Variants in PTPRH observed in about 807,000 individuals in gnomAD.
PTPRH encodes the protein protein tyrosine phosphatase receptor type H.
In PTPRH, 113 loss-of-function variants were observed where a neutral mutation model predicts 130.2. That is an observed-to-expected ratio of 0.87 (90% CI 0.75 to 1.01). The LOEUF (loss-of-function observed/expected upper bound fraction) is 1.01. Ranked by LOEUF, PTPRH falls within the 50% of genes least tolerant of loss-of-function variation. The pLI, the probability that PTPRH is intolerant of heterozygous loss-of-function variation, is 0.00. For synonymous variants in PTPRH, 556 were observed against 577.9 expected (o/e 0.96, Z 0.54); for missense variants, 1,430 against 1,425.0 (o/e 1.00, Z -0.06).
chr19:55,181,524 C>T lies in PTPRH; in HGVS notation c.*230G>A. ...ACCTAGGGAATCCAAGCTATCATCC[C>T]TCTCCTCCTTCAGGGAACCAGGAAT... On this transcript the variant is annotated 3_prime_UTR_variant, in exon 20 of 20. Coordinates refer to ENST00000376350, the MANE Select transcript of PTPRH (RefSeq NM_002842.5). The T allele has an allele frequency of 1.8e-6, 1 of 568,072 alleles. No homozygotes were observed. Among genetic ancestry groups the T allele is most frequent in the Non-Finnish European group, 3.1e-6 (1 of 321,672 alleles). 35.2% of individuals were successfully genotyped at this position (568,072 alleles called of 1,614,324 possible). A position where few individuals can be genotyped will look rare whatever the true frequency, so the allele number is the denominator to read the frequency against.
intron 4 of PTPRH, 61 bp downstream of exon 4, chr19:55,205,265 G>T: frequency 6.2e-7 from 1 of 1,600,254 alleles, no homozygotes; most frequent in South Asian, 1.1e-5. Flanking sequence ...AATCCGCTAC[G>T]TTCTCCTGCC....
chr19:55,201,378 A>C (rs2086858985), intron 6 of PTPRH, among the ~76,000 whole-genome samples: 1 of 152,016 alleles, frequency 6.6e-6, no homozygotes, highest in Non-Finnish European at 1.5e-5. Flanking sequence ...CTCCAGCTCT[A>C]AAAAAAAGAA....
Position 55,203,836 on chromosome 19 carries a change from A to C in PTPRH, c.832T>G (p.Trp278Gly), listed in dbSNP as rs1438444246. 3.1e-6 allele frequency: 5 copies of C among 1,614,008 alleles called. No homozygotes were observed. The South Asian group carries it at 5.5e-5, about 18-fold the overall frequency. ...GPGSLYTCSVWVEKDGVNSSV... is the reference protein window; with the variant it reads ...GPGSLYTCSVGVEKDGVNSSV... ...CTATTTACTCCGTCTTTCTCCACCC[A>C]CACAGAACACGTATACAATGACCCG... is the stretch of plus-strand genomic sequence containing the variant. Residue 278 changes from tryptophan (W) to glycine (G), a missense_variant, in exon 5 of 20, where the codon TGG (tryptophan) becomes GGG (glycine). Trp to Gly is a radical substitution (Grantham distance 184). Transcript: ENST00000376350.
In PTPRH at chr19:55,191,820, C is replaced by T. The variant is rs777440286; in HGVS notation, c.2258-79G>A. The stretch of plus-strand genomic sequence containing the variant: ...TGTCTCCAACCCTGCCCAGCCTTTC[C>T]TCTTCCCCAGGAGCCTGGTCCAAAG... On this transcript the variant is annotated intron_variant, in intron 10 of 19. Coordinates refer to ENST00000376350, the MANE Select transcript of PTPRH (RefSeq NM_002842.5). The T allele has an allele frequency of 3.9e-6, 5 of 1,277,912 alleles. No individual in the cohort carries two copies. In the African/African-American group the frequency reaches 5.9e-5, roughly 15 times the overall value. The allele number at this position is 1,277,912 out of a possible 1,614,324, so 79.2% of individuals were successfully genotyped here.
At position 55,202,039 on chromosome 19, in the gene PTPRH, T is replaced by C. The variant is rs1345877489; in HGVS notation, c.1153+17A>G. On this transcript the variant is annotated intron_variant, in intron 6 of 19. Transcript: ENST00000376350. ...TTAAACAAATAAGAGATCAAACAAATGGCGACTGCCTCTCACCTGTGGTGG... is the reference window on the plus strand; with the variant it reads ...TTAAACAAATAAGAGATCAAACAAACGGCGACTGCCTCTCACCTGTGGTGG... 1 of 1,612,776 alleles carries C rather than the reference T, an allele frequency of 6.2e-7. No homozygotes were observed. The highest frequency in any genetic ancestry group is 8.5e-7 in the Non-Finnish European group (1 of 1,179,164).
At position 55,205,466 on chromosome 19, in the gene PTPRH, C is replaced by T; in HGVS notation, c.479G>A (p.Gly160Asp). 6.2e-7 allele frequency: 1 copy of T among 1,614,208 alleles called. No homozygotes were observed. Among genetic ancestry groups the T allele is most frequent in the African/African-American group, 1.3e-5 (1 of 75,028 alleles). Reference protein sequence around the residue: ...STYGVEYTGDGGRAGTRSTAH... With the variant: ...STYGVEYTGDDGRAGTRSTAH... ...TGTGCTTCGAGTCCCTGCTCTGCCA[C>T]CATCTCCAGTGTACTCAACCCCGTA... The change falls in exon 4 of 20, where the codon GGT becomes GAT. Residue 160 changes from glycine (G) to aspartate (D), a missense_variant. Coordinates refer to ENST00000376350, the MANE Select transcript of PTPRH (RefSeq NM_002842.5).
At chr19:55,206,472 C>T (rs566724527) in intron 3 of PTPRH, among the ~76,000 whole-genome samples, 5 of 148,604 alleles carry the variant, frequency 3.4e-5, no homozygotes, top group African/African-American at 5.1e-5. Context: ...CACGGGAACA[C>T]GCCACCACAG....
intron 10 of PTPRH, 68 bp downstream of exon 10, chr19:55,196,454 A>T (rs1011402606): frequency 1.3e-6 from 2 of 1,510,954 alleles, no homozygotes; most frequent in Admixed American, 4.1e-5. Context: ...TGATTTCCTC[A>T]CAATGGGGCC....
intron 18 of PTPRH, among the ~76,000 whole-genome samples, chr19:55,183,492 A>G (rs1027672047): frequency 1.3e-5 from 2 of 151,180 alleles, no homozygotes; most frequent in Non-Finnish European, 3.0e-5. Context: ...GGGAGGCTGA[A>G]GCAGGCGGAT....
chr19:55,200,523 T>A, intron 6 of PTPRH, 21 bp from the exon 7 acceptor site: 1 of 1,611,786 alleles, frequency 6.2e-7, no homozygotes, highest in South Asian at 1.1e-5. Flanking sequence ...AGGAAGAAGA[T>A]CCTATGTTGT....
At chr19:55,189,421 C>T (rs1213795572) in intron 12 of PTPRH, among the ~76,000 whole-genome samples, 2 of 152,222 alleles carry the variant, frequency 1.3e-5, no homozygotes, top group Non-Finnish European at 1.5e-5. Flanking sequence ...CTTTCAACTA[C>T]AGGCCTGTGC....
In PTPRH at chr19:55,182,031, C is replaced by G. The variant is rs745447592; in HGVS notation, c.3183G>C (p.Leu1061Phe). 6.2e-7 allele frequency: 1 copy of G among 1,614,024 alleles called. No homozygotes were observed. The highest frequency in any genetic ancestry group is 1.3e-5 in the African/African-American group (1 of 74,930). Residue 1061 changes from leucine (L) to phenylalanine (F), a missense_variant, in exon 19 of 20, where the codon TTG becomes TTC. By Grantham distance (22) the Leu-to-Phe change is conservative (BLOSUM62 0). Coordinates refer to ENST00000376350, the MANE Select transcript of PTPRH (RefSeq NM_002842.5). ...ACTGCCTCACCTCAGTCTGCACCATCAACGGCCGACTCTCTCTCATCTTCC... is the reference window on the plus strand; with the variant it reads ...ACTGCCTCACCTCAGTCTGCACCATGAACGGCCGACTCTCTCTCATCTTCC... ...FVRKMRESRP[L>F]MVQTEAQYVF...
chr19:55,188,172 C>G lies in PTPRH; in HGVS notation c.2385-4G>C, dbSNP rs758472647. Reference sequence around the variant, plus strand: ...AGCTGGGATGTCCCCTGGGGAGCTACGGGTTTTGGGGGAGCAGGGAGAAAA... The same window carrying G: ...AGCTGGGATGTCCCCTGGGGAGCTAGGGGTTTTGGGGGAGCAGGGAGAAAA... On this transcript the variant is annotated splice_polypyrimidine_tract_variant and splice_region_variant and intron_variant, in intron 12 of 19. Coordinates refer to ENST00000376350, the MANE Select transcript of PTPRH (RefSeq NM_002842.5). 1.2e-6 allele frequency: 2 copies of G among 1,612,682 alleles called. No individual in the cohort carries two copies. Among genetic ancestry groups the G allele is most frequent in the Non-Finnish European group, 8.5e-7 (1 of 1,178,826 alleles).
intron 18 of PTPRH, 22 bp downstream of exon 18, chr19:55,185,480 A>G (rs1168826592): frequency 6.2e-7 from 1 of 1,611,372 alleles, no homozygotes; most frequent in South Asian, 1.1e-5. Context: ...CTCAAGGGAG[A>G]GGGTCCTGGG....
rs907656483 is a variant in PTPRH at position 55,198,575 on chromosome 19, C to A, written c.1690+68G>T. The A allele has an allele frequency of 2.0e-6, 3 of 1,465,198 alleles. No homozygotes were observed. In the African/African-American group the frequency reaches 4.3e-5, roughly 21 times the overall value. 90.8% of individuals were successfully genotyped at this position (1,465,198 alleles called of 1,614,324 possible). ...TACTCTTCATCTCCCAAGGAGCTCC[C>A]AAAGTCCTTTCATCTTTTTCCTTCC... On this transcript the variant is annotated intron_variant, in intron 8 of 19. Coordinates refer to ENST00000376350, the MANE Select transcript of PTPRH (RefSeq NM_002842.5).
chr19:55,205,238 A>G, intron 4 of PTPRH, 88 bp downstream of exon 4: 1 of 1,569,416 alleles, frequency 6.4e-7, no homozygotes, highest in Non-Finnish European at 8.7e-7. Flanking sequence ...TGTGGCCCAG[A>G]GGGACTATGG....
At position 55,196,531 on chromosome 19, in the gene PTPRH, C is replaced by A; in HGVS notation, c.2248G>T (p.Glu750Ter). ...GCGCGGCTCCGCTCACCTGCACTCTCGGTGTGGCAGACCACAGAGTGAGAC... is the reference window on the plus strand; with the variant it reads ...GCGCGGCTCCGCTCACCTGCACTCTAGGTGTGGCAGACCACAGAGTGAGAC... ...VVSHSVVCHT[E>*]SAGVIAGAFV... Residue 750 changes from glutamate (E) to a stop codon, truncating the protein, a stop_gained, in exon 10 of 20, where the codon GAG becomes TAG. Transcript: ENST00000376350. LOFTEE classifies it high-confidence loss of function. 2.5e-6 allele frequency: 4 copies of A among 1,611,030 alleles called. No individual in the cohort carries two copies. The highest frequency in any genetic ancestry group is 1.3e-5 in the African/African-American group (1 of 74,962).
Position 55,188,083 on chromosome 19 carries a change from A to G in PTPRH, c.2470T>C (p.Tyr824His). Residue 824 changes from tyrosine (Y) to histidine (H), a missense_variant, in exon 13 of 20, where the codon TAC becomes CAC. Tyr to His is a moderately conservative substitution (Grantham distance 83). Transcript: ENST00000376350. The stretch of plus-strand genomic sequence containing the variant: ...CCCCTCTGTCCTCTCCCCACCTGGT[A>G]CTCGTCTGCAAAACCACAGTTGCTG... The part of the protein sequence containing the change: ...RDSNCGFADE[Y>H]QQLSLVGHSQ... 1 of 1,613,456 alleles carries G rather than the reference A, an allele frequency of 6.2e-7. No individual in the cohort carries two copies.
At chr19:55,185,757 T>A in intron 17 of PTPRH, 95 bp from the exon 18 acceptor site, 1 of 1,598,198 alleles carries the variant, frequency 6.3e-7, no homozygotes, top group South Asian at 1.1e-5. Context: ...ACACTGCAGC[T>A]CCTCAGAGGA....
Sources: gnomAD v4.1 joint callset for allele counts (sites outside exome capture counted in the v4.1 genomes callset) on GRCh38, gnomAD v4.1.1 for gene constraint, MANE v1.5 for transcripts, NCBI Gene and HGNC (gene_info 2026-07-23, HGNC 2026-07-21) for gene names.